Variants in NTMT1 observed in about 807,000 individuals in gnomAD.
NTMT1 encodes N-terminal Xaa-Pro-Lys N-methyltransferase 1, also known as N-terminal RCC1 methyltransferase.
NTMT1 carries 8 observed loss-of-function variants against 17.5 expected under a neutral mutation model. The observed-to-expected ratio is 0.46, with a 90% CI of 0.27 to 0.82. The LOEUF is 0.82. Ranked by LOEUF, NTMT1 falls within the 40% of genes least tolerant of loss-of-function variation. The pLI is 0.15. For synonymous variants in NTMT1, 128 were observed against 126.8 expected (o/e 1.01, Z -0.06); for missense variants, 221 against 303.5 (o/e 0.73, Z 2.02).
rs544900872 is a variant in NTMT1 at position 129,614,076 on chromosome 9, G to A, written c.-55+4898G>A. Reference sequence around the variant, plus strand: ...ACGTCTCCTGGGCACCCTGCTGCCCGGGACACCATGATAGCTCCTTATGGC... The same window carrying A: ...ACGTCTCCTGGGCACCCTGCTGCCCAGGACACCATGATAGCTCCTTATGGC... On this transcript the variant is annotated intron_variant, in intron 1 of 3. Coordinates refer to the NTMT1 transcript ENST00000372486. This position sits in a 1 kb window ranked among gnomAD's most constrained non-coding sequence, Gnocchi z 4.4. Among the ~76,000 whole-genome samples, 37 of 152,316 alleles carry A rather than the reference G, an allele frequency of 2.4e-4. No homozygotes were observed. Among genetic ancestry groups the A allele is most frequent in the African/African-American group, 7.0e-4 (29 of 41,574 alleles).
Position 129,613,650 on chromosome 9 carries a change from C to G in NTMT1, c.-55+4472C>G. On this transcript the variant is annotated intron_variant, in intron 1 of 3. Transcript: ENST00000372486. The surrounding 1 kb of genome is among the most constrained non-coding windows in gnomAD (Gnocchi z 6.2). ...TCTGCCCAGGAGGAGGGCACTGGTG[C>G]CCCCACCCTCTTTTCCTCCCTCTGG... 6.2e-7 allele frequency: 1 copy of G among 1,603,326 alleles called. No homozygotes were observed.
At chr9:129,621,430 C>G (rs1217126013), upstream of NTMT1, among the ~76,000 whole-genome samples, 1 of 152,238 alleles carries the variant, frequency 6.6e-6, no homozygotes, top group African/African-American at 2.4e-5. Context: ...CATCATAGCT[C>G]ACTGCAGCCT....
Position 129,620,420 on chromosome 9 carries a change from C to G in NTMT1, c.-55+11242C>G, listed in dbSNP as rs146618124. Reference sequence around the variant, plus strand: ...CGCGGCGCCGCCCCCCGGGATCCTCCAGTCCCCGGAGCCCCGCGCGCCCAG... The same window carrying G: ...CGCGGCGCCGCCCCCCGGGATCCTCGAGTCCCCGGAGCCCCGCGCGCCCAG... On this transcript the variant is annotated intron_variant, in intron 1 of 3. Transcript: ENST00000372486. This position sits in a 1 kb window ranked among gnomAD's most constrained non-coding sequence, Gnocchi z 5.8. The G allele has an allele frequency of 0.024, 29,746 of 1,252,124 alleles. 534 individuals carry two copies. The highest frequency in any genetic ancestry group is 0.078 in the East Asian group (2,467 of 31,600). 77.6% of individuals were successfully genotyped at this position (1,252,124 alleles called of 1,614,324 possible). A position where few individuals can be genotyped will look rare whatever the true frequency, so the allele number is the denominator to read the frequency against.
intron 1 of NTMT1, among the ~76,000 whole-genome samples, chr9:129,612,936 G>A (rs796278260): frequency 3.9e-5 from 6 of 152,292 alleles, no homozygotes; most frequent in African/African-American, 1.4e-4. Context: ...TGCCCTTTGA[G>A]GGAGATGCAG....
chr9:129,633,175 C>T (rs571650843), intron 2 of NTMT1: 223 of 452,082 alleles, frequency 4.9e-4, no homozygotes, highest in South Asian at 1.1e-3. Context: ...GCCATGTCCA[C>T]GGGTGTTTGG....
chr9:129,633,207 G>T (rs1831278541), intron 2 of NTMT1: 1 of 414,310 alleles, frequency 2.4e-6, no homozygotes, highest in Admixed American at 4.2e-5. Flanking sequence ...TGGCTATTCT[G>T]GACGAAGACT....
At position 129,616,044 on chromosome 9, in the gene NTMT1, T is replaced by A. The variant is rs145858591; in HGVS notation, c.-55+6866T>A. Among the ~76,000 whole-genome samples the A allele has an allele frequency of 5.9e-5, 9 of 152,280 alleles. No individual in the cohort carries two copies. In the East Asian group the frequency reaches 1.7e-3, roughly 29 times the overall value. On this transcript the variant is annotated intron_variant, in intron 1 of 3. Transcript: ENST00000372486. The stretch of plus-strand genomic sequence containing the variant: ...AATAAGAATGCCAGCCCAGGAGTCA[T>A]GCAGTCCTGGGTTTCATTCCTGACC...
At chr9:129,632,592 C>A in intron 1 of NTMT1, 58 bp from the exon 2 acceptor site, 2 of 1,307,586 alleles carry the variant, frequency 1.5e-6, no homozygotes, top group Non-Finnish European at 2.1e-6. Flanking sequence ...GCCCTCTGCC[C>A]TGGGGGCCTT....
intron 1 of NTMT1, among the ~76,000 whole-genome samples, chr9:129,615,050 G>A (rs1375373108): frequency 6.6e-6 from 1 of 152,214 alleles, no homozygotes; most frequent in Non-Finnish European, 1.5e-5. Context: ...CGGCTTTTCT[G>A]GGCACCTCCT....
chr9:129,633,971 G>A, intron 2 of NTMT1, 83 bp from the exon 3 acceptor site: 1 of 1,476,432 alleles, frequency 6.8e-7, no homozygotes, highest in Non-Finnish European at 9.1e-7. Context: ...CCTGACTTGA[G>A]TCTAAGTCCT....
chr9:129,623,421 G>C (rs1231249230), upstream of NTMT1, among the ~76,000 whole-genome samples: 2 of 152,136 alleles, frequency 1.3e-5, no homozygotes, highest in Non-Finnish European at 2.9e-5. Context: ...GTTTTGCTGT[G>C]TGATCCTGGA....
rs542692917 is a variant in NTMT1, at chr9:129,620,833, A to G, written c.-55+11655A>G. 28 of 370,704 alleles carry G rather than the reference A, an allele frequency of 7.6e-5. No homozygotes were observed. The highest frequency in any genetic ancestry group is 9.6e-6 in the Non-Finnish European group (2 of 208,692). The allele number at this position is 370,704 out of a possible 1,614,324, so 23.0% of individuals were successfully genotyped here. A position where few individuals can be genotyped will look rare whatever the true frequency, so the allele number is the denominator to read the frequency against. ...TGCTGTGACGTTTAAATGAGCAAGT[A>G]CATGCCAGTCTTAGAACAGCAAGCT... On this transcript the variant is annotated intron_variant, in intron 1 of 3. Coordinates refer to the NTMT1 transcript ENST00000372486. This position sits in a 1 kb window ranked among gnomAD's most constrained non-coding sequence, Gnocchi z 5.8.
intron 1 of NTMT1, among the ~76,000 whole-genome samples, chr9:129,618,717 G>T (rs1206526744): frequency 1.3e-5 from 2 of 151,634 alleles, no homozygotes; most frequent in Non-Finnish European, 2.9e-5. Flanking sequence ...ATTTGAGATG[G>T]AGTCTCACTC....
chr9:129,627,476 G>A lies in NTMT1; in HGVS notation c.-55+1181G>A, dbSNP rs1014022204. On this transcript the variant is annotated intron_variant, in intron 1 of 3. Coordinates refer to ENST00000372483, the MANE Select transcript of NTMT1 (RefSeq NM_014064.4). The stretch of plus-strand genomic sequence containing the variant: ...TAAGCTCAAGAGAGAATATGTGCCC[G>A]GCACTGTGCAAAGCACTTTAAGCTT... 4.6e-5 allele frequency among the ~76,000 whole-genome samples: 7 copies of A among 152,186 alleles called. No homozygotes were observed. In the East Asian group the frequency reaches 9.6e-4, roughly 21 times the overall value.
At chr9:129,611,643 G>A (rs1016577127) in intron 1 of NTMT1, among the ~76,000 whole-genome samples, 1 of 151,086 alleles carries the variant, frequency 6.6e-6, no homozygotes, top group Non-Finnish European at 1.5e-5. Flanking sequence ...TTGGGGTGGG[G>A]GTTCTCCACC....
chr9:129,631,261 G>A (rs1044512835), intron 1 of NTMT1, among the ~76,000 whole-genome samples: 2 of 152,194 alleles, frequency 1.3e-5, no homozygotes, highest in African/African-American at 4.8e-5. Context: ...TTTCTGCTGT[G>A]TATTTTCTTT....
intron 1 of NTMT1, chr9:129,612,304 T>TC: frequency 1.9e-6 from 3 of 1,539,652 alleles, no homozygotes. Context: ...ACGCTCCTCA[T>TC]TGCCTGGCCC....
chr9:129,615,419 C>T, intron 1 of NTMT1: 1 of 1,474,228 alleles, frequency 6.8e-7, no homozygotes, highest in Non-Finnish European at 9.0e-7. Flanking sequence ...CCCGGAGCTA[C>T]AGCCTCTCTG....
intron 1 of NTMT1, among the ~76,000 whole-genome samples, chr9:129,618,564 A>G (rs1035929296): frequency 1.3e-5 from 2 of 152,220 alleles, no homozygotes; most frequent in Non-Finnish European, 2.9e-5. Context: ...TGGCTTTATG[A>G]CTAGATTAGC....
Sources: allele counts gnomAD v4.1 joint callset (sites outside exome capture counted in the v4.1 genomes callset), GRCh38; gene constraint gnomAD v4.1.1; non-coding constraint Gnocchi (gnomAD v3.1); transcripts MANE v1.5; gene names NCBI Gene and HGNC (gene_info 2026-07-23, HGNC 2026-07-21).